Variants in LZTFL1 observed in about 807,000 individuals in gnomAD.
LZTFL1 encodes the protein leucine zipper transcription factor like 1, also known as leucine zipper transcription factor-like protein 1.
Under a neutral mutation model 45.9 loss-of-function variants are expected in LZTFL1, and 25 were observed. The ratio of observed to expected loss-of-function variants is 0.54; its 90% CI spans 0.40 to 0.76. The LOEUF (loss-of-function observed/expected upper bound fraction) is 0.76. Among genes scored for constraint, LZTFL1 ranks in the 30% least tolerant of loss-of-function variants. LZTFL1 has a pLI of 0.00. For synonymous variants in LZTFL1, 93 were observed against 117.4 expected (o/e 0.79, Z 1.35); for missense variants, 277 against 331.1 (o/e 0.84, Z 1.27).
At chr3:45,871,276 C>T (rs1701666612) in intron 2 of LZTFL1, among the ~76,000 whole-genome samples, 1 of 152,216 alleles carries the variant, frequency 6.6e-6, no homozygotes, top group African/African-American at 2.4e-5. Context: ...GCAGATATTG[C>T]TGTCATCTCT....
At chr3:45,837,785 A>G in intron 2 of LZTFL1, 142 bp downstream of exon 2, 1 of 737,376 alleles carries the variant, frequency 1.4e-6, no homozygotes, top group Non-Finnish European at 2.1e-6. Context: ...TGTATCCATG[A>G]GGCTTAGTGT....
intron 2 of LZTFL1, among the ~76,000 whole-genome samples, chr3:45,898,127 G>C (rs1372525778): frequency 6.6e-6 from 1 of 152,102 alleles, no homozygotes; most frequent in South Asian, 2.1e-4. Flanking sequence ...TCCTCCAAAA[G>C]GTCATCCTCC....
chr3:45,878,255 C>T (rs764596640), intron 2 of LZTFL1, among the ~76,000 whole-genome samples: 7 of 152,146 alleles, frequency 4.6e-5, no homozygotes, highest in African/African-American at 1.4e-4. Flanking sequence ...AGCACCAGCC[C>T]GAGGCCTGAA....
At chr3:45,855,106 A>G (rs772333035) in intron 3 of LZTFL1, 1 of 1,326,490 alleles carries the variant, frequency 7.5e-7, no homozygotes, top group South Asian at 1.3e-5. Context: ...TAAAAATTAT[A>G]AGTTGTATCT....
In LZTFL1 at chr3:45,827,340, G is replaced by A. The variant is rs193075494; in HGVS notation, c.881+16C>T. 642 of 1,538,800 alleles carry A rather than the reference G, an allele frequency of 4.2e-4. 5 individuals carry two copies. The East Asian group carries it at 0.011, about 26-fold the overall frequency. On this transcript the variant is annotated intron_variant, in intron 9 of 9. Transcript: ENST00000296135. ...TCCAGAGAGAGAAATCCAAAGGCGG[G>A]ATCAGTGTGGCTTACTGTGCCAGTC... is the stretch of plus-strand genomic sequence containing the variant.
chr3:45,879,515 G>A (rs972975190), intron 2 of LZTFL1, among the ~76,000 whole-genome samples: 1 of 152,302 alleles, frequency 6.6e-6, no homozygotes. Context: ...GGAAGAGAGG[G>A]ACGAATAGGT....
At chr3:45,839,367 G>C (rs1236702660) in intron 1 of LZTFL1, among the ~76,000 whole-genome samples, 1 of 152,068 alleles carries the variant, frequency 6.6e-6, no homozygotes, top group Admixed American at 6.5e-5. Context: ...GGATTACAGA[G>C]GTGAGCCACC....
intron 2 of LZTFL1, among the ~76,000 whole-genome samples, chr3:45,906,202 C>T (rs1375891031): frequency 1.3e-5 from 2 of 152,178 alleles, no homozygotes; most frequent in African/African-American, 4.8e-5. Context: ...CAGAACTCCT[C>T]TGAGAAGGCT....
At chr3:45,832,096 G>A (rs763520415) in intron 5 of LZTFL1, among the ~76,000 whole-genome samples, 3 of 151,992 alleles carry the variant, frequency 2.0e-5, no homozygotes, top group African/African-American at 4.8e-5. Context: ...TTAGCCGGGC[G>A]TGGTGGCAGG....
At chr3:45,848,220 G>A (rs753028428) in intron 4 of LZTFL1, among the ~76,000 whole-genome samples, 17 of 152,174 alleles carry the variant, frequency 1.1e-4, no homozygotes, top group South Asian at 6.2e-4. Flanking sequence ...AAAAGTACAA[G>A]GTTTTTGCAG....
chr3:45,871,094 G>A (rs1701663968), intron 2 of LZTFL1, among the ~76,000 whole-genome samples: 3 of 152,156 alleles, frequency 2.0e-5, no homozygotes, highest in Admixed American at 1.3e-4. Context: ...CATCCTTTAT[G>A]TAATCACCAT....
At position 45,842,038 on chromosome 3, in the gene LZTFL1, G is replaced by C. The variant is rs751017015; in HGVS notation, c.-47C>G. On this transcript the variant is annotated 5_prime_UTR_variant, in exon 1 of 10. Coordinates refer to ENST00000296135, the MANE Select transcript of LZTFL1 (RefSeq NM_020347.4). ...CCTAAAGGAACGGGAGAGGCCAGGC[G>C]GTGCCCCGCCAAGCCTGGGATCGCC... The C allele has an allele frequency of 6.2e-6, 10 of 1,601,886 alleles. No individual in the cohort carries two copies. Among genetic ancestry groups the C allele is most frequent in the Middle Eastern group, 1.6e-4 (1 of 6,074 alleles).
At chr3:45,851,245 G>C (rs1225872142) in intron 4 of LZTFL1, among the ~76,000 whole-genome samples, 1 of 94,938 alleles carries the variant, frequency 1.1e-5, no homozygotes, top group Non-Finnish European at 2.2e-5. Context: ...TTTTTTTTTT[G>C]AGATGGAGTC....
chr3:45,890,391 A>T (rs746982313), intron 2 of LZTFL1, among the ~76,000 whole-genome samples: 1 of 67,382 alleles, frequency 1.5e-5, no homozygotes, highest in African/African-American at 5.0e-5. Flanking sequence ...TTTCTAATTG[A>T]TATCTCAAAA....
intron 4 of LZTFL1, among the ~76,000 whole-genome samples, chr3:45,849,707 C>G (rs1270420884): frequency 6.6e-6 from 1 of 152,128 alleles, no homozygotes; most frequent in Admixed American, 6.5e-5. Context: ...ATTAAATCAT[C>G]CACAAAAAAG....
chr3:45,897,346 CCTAA>C (rs1005953328), intron 2 of LZTFL1, among the ~76,000 whole-genome samples: 3 of 152,132 alleles, frequency 2.0e-5, no homozygotes, highest in East Asian at 1.9e-4. Flanking sequence ...GAGTCCCTAA[CCTAA>C]CTAACTAAGT....
rs145991017 is a variant in LZTFL1, at chr3:45,895,295, A to G, written c.-215+17825T>C. Reference sequence around the variant, plus strand: ...ATGAGGCAAAGGGAGAATTCATGTAATTTGCTTTTAAAAAACCCATGGTGG... The same window carrying G: ...ATGAGGCAAAGGGAGAATTCATGTAGTTTGCTTTTAAAAAACCCATGGTGG... On this transcript the variant is annotated intron_variant, in intron 2 of 4. Transcript: ENST00000472635. 2.5e-4 allele frequency among the ~76,000 whole-genome samples: 38 copies of G among 152,310 alleles called. 1 individual carries two copies. The highest frequency in any genetic ancestry group is 9.8e-4 in the Admixed American group (15 of 15,306).
In LZTFL1 at chr3:45,883,626, C is replaced by G. The variant is rs2125729700; in HGVS notation, c.-214-24610G>C. The G allele has an allele frequency of 7.3e-6, 3 of 408,524 alleles. No homozygotes were observed. In the South Asian group the frequency reaches 1.5e-4, roughly 20 times the overall value. The allele number at this position is 408,524 out of a possible 1,614,324, so 25.3% of individuals were successfully genotyped here. ...TGCATTAATTCTTCAAAGTATAAGTCAAAAAGGTCAGCGCTTCTACAATGT... is the reference window on the plus strand; with the variant it reads ...TGCATTAATTCTTCAAAGTATAAGTGAAAAAGGTCAGCGCTTCTACAATGT... On this transcript the variant is annotated intron_variant, in intron 2 of 4. Transcript: ENST00000472635.
Position 45,828,510 on chromosome 3 carries a change from G to C in LZTFL1, c.706C>G (p.Leu236Val). Residue 236 changes from leucine to valine, a missense_variant, in exon 8 of 10, where the codon CTG (leucine) becomes GTG (valine). By Grantham distance (32) the Leu-to-Val change is conservative (BLOSUM62 1). Transcript: ENST00000296135. ...LNDKTENQKS[L>V]EENLATAKHD... is the part of the protein sequence containing the mutation. ...TTGGCTGTCGCCAGATTCTCCTCCA[G>C]TGACTTCTGGTTTTCTGTCTTGTCA... 6.2e-7 allele frequency: 1 copy of C among 1,614,192 alleles called. No individual in the cohort carries two copies. The highest frequency in any genetic ancestry group is 8.5e-7 in the Non-Finnish European group (1 of 1,180,036).
Sources: allele counts gnomAD v4.1 joint callset (sites outside exome capture counted in the v4.1 genomes callset), GRCh38; gene constraint gnomAD v4.1.1; transcripts MANE v1.5; gene names NCBI Gene and HGNC (gene_info 2026-07-23, HGNC 2026-07-21).